Variants in EPHB4 observed in about 807,000 individuals in gnomAD.
EPHB4 encodes ephrin type-B receptor 4.
EPHB4 carries 50 observed loss-of-function variants against 110.6 expected under a neutral mutation model. The ratio of observed to expected loss-of-function variants is 0.45; its 90% confidence interval spans 0.36 to 0.57. The LOEUF (loss-of-function observed/expected upper bound fraction) is 0.57. EPHB4 is among the 20% of genes least tolerant of loss of function. The probability of loss-of-function intolerance (pLI) is 0.00; values close to 1 mark genes in which losing one functional copy is unlikely to be tolerated. For missense variants in EPHB4, 1,128 were observed against 1,382.1 expected (o/e 0.82, Z 2.91); for synonymous variants, 592 against 578.4 (o/e 1.02, Z -0.34).
At position 100,818,625 on chromosome 7, in the gene EPHB4, G is replaced by A. The variant is rs1240848718; in HGVS notation, c.1317C>T (p.Asp439=). 4.3e-6 allele frequency: 7 copies of A among 1,612,020 alleles called. No homozygotes were observed. The highest frequency in any genetic ancestry group is 1.7e-5 in the Admixed American group (1 of 59,994). The change falls in exon 7 of 17, where the codon GAC becomes GAT. Residue 439 remains aspartate (D), a synonymous_variant. Transcript: ENST00000358173. ...TGGGTGAGGACCGCGTCACCCGGAT[G>A]TCAGACACTGCAGGAGGTACTGTGA... ...TDREVPPAVS[D]IRVTRSSPSS...
At chr7:100,817,089 A>C (rs921375161) in intron 8 of EPHB4, 103 bp downstream of exon 8, 3 of 752,974 alleles carry the variant, frequency 4.0e-6, no homozygotes, top group African/African-American at 1.8e-5. Flanking sequence ...TCTCAAAAAA[A>C]AAAAAAAAAA....
intron 10 of EPHB4, 109 bp from the exon 11 acceptor site, chr7:100,813,317 T>A (rs1176050149): frequency 1.1e-6 from 1 of 881,874 alleles, no homozygotes; most frequent in African/African-American, 1.7e-5. Flanking sequence ...TTTTTTTTTT[T>A]TTTTTTTTTT....
intron 12 of EPHB4, among the ~76,000 whole-genome samples, chr7:100,808,379 T>C (rs558781342): frequency 7.9e-5 from 12 of 152,244 alleles, no homozygotes; most frequent in African/African-American, 2.9e-4. Flanking sequence ...CCACTGCACC[T>C]GGCTAATTAA....
chr7:100,812,762 C>T lies in EPHB4; in HGVS notation c.2103G>A (p.Leu701=), dbSNP rs1812966834. ...ILTEFMENGA[L]DSFLRLNDGQ... The stretch of plus-strand genomic sequence containing the variant: ...GGGTGCTCACCCGCAGGAAGGAGTC[C>T]AGGGCGCCGTTCTCCATGAACTCTG... The change falls in exon 12 of 17, where the codon CTG becomes CTA. Residue 701 remains leucine, a synonymous_variant. Coordinates refer to ENST00000358173, the MANE Select transcript of EPHB4 (RefSeq NM_004444.5). The T allele has an allele frequency of 1.2e-6, 2 of 1,613,560 alleles. No homozygotes were observed. Among genetic ancestry groups the T allele is most frequent in the East Asian group, 4.5e-5 (2 of 44,878 alleles).
At chr7:100,804,400 C>T (rs184438217) in intron 16 of EPHB4, among the ~76,000 whole-genome samples, 10 of 144,578 alleles carry the variant, frequency 6.9e-5, no homozygotes, top group African/African-American at 2.3e-4. Context: ...CTGCAACCTC[C>T]ACCTCCCGGG....
At position 100,818,605 on chromosome 7, in the gene EPHB4, G is replaced by A. The variant is rs1431447319; in HGVS notation, c.1337C>T (p.Ser446Leu). Residue 446 changes from serine (S) to leucine (L), a missense_variant, in exon 7 of 17, where the codon TCA (serine) becomes TTA (leucine). Transcript: ENST00000358173. ...AVSDIRVTRS[S>L]PSSLSLAWAV... Reference sequence around the variant, plus strand: ...CCAGGCCAGGCTCAAGCTGCTGGGTGAGGACCGCGTCACCCGGATGTCAGA... The same window carrying A: ...CCAGGCCAGGCTCAAGCTGCTGGGTAAGGACCGCGTCACCCGGATGTCAGA... The A allele has an allele frequency of 6.2e-7, 1 of 1,613,008 alleles. No homozygotes were observed. The highest frequency in any genetic ancestry group is 8.5e-7 in the Non-Finnish European group (1 of 1,180,018).
intron 11 of EPHB4, 40 bp downstream of exon 11, chr7:100,813,055 C>G (rs372214423): frequency 2.5e-6 from 4 of 1,612,756 alleles, no homozygotes; most frequent in South Asian, 1.1e-5. Flanking sequence ...TGCCCACCCC[C>G]GCTTCGTTCC....
Position 100,806,472 on chromosome 7 carries a change from C to A in EPHB4, c.2432G>T (p.Trp811Leu), listed in dbSNP as rs1413370127. 6.2e-7 allele frequency: 1 copy of A among 1,613,986 alleles called. No homozygotes were observed. The highest frequency in any genetic ancestry group is 8.5e-7 in the Non-Finnish European group (1 of 1,180,010). ...CCTCTCCCCAAATGACATCACCTCC[C>A]ACATCACAATCCCGTAACTCCAGGC... ...SDAWSYGIVM[W>L]EVMSFGERPY... The change falls in exon 14 of 17, where the codon TGG becomes TTG. Residue 811 changes from tryptophan to leucine, a missense_variant. By Grantham distance (61) the Trp-to-Leu change is moderately conservative. Transcript: ENST00000358173.
In EPHB4 at chr7:100,804,308, CTTTTTTTTTTT is replaced by C. The variant is rs11338293; in HGVS notation, c.2835-729_2835-719del. 4.6e-3 allele frequency among the ~76,000 whole-genome samples: 326 copies of C among 71,630 alleles called. 4 individuals carry two copies. In the East Asian group the frequency reaches 0.056, roughly 12 times the overall value. The allele number at this position is 71,630 out of a possible 152,430, so 47.0% of individuals were successfully genotyped here. A position where few individuals can be genotyped will look rare whatever the true frequency, so the allele number is the denominator to read the frequency against. On this transcript the variant is annotated intron_variant, in intron 16 of 16. Coordinates refer to ENST00000358173, the MANE Select transcript of EPHB4 (RefSeq NM_004444.5). Reference sequence around the variant, plus strand: ...GAGCCACCACCTGGCCTTCACATTTCTTTTTTTTTTTTTTTTTTTTTTTTGAGATGGAATTT... The same window carrying C: ...GAGCCACCACCTGGCCTTCACATTTCTTTTTTTTTTTTTGAGATGGAATTT...
chr7:100,822,688 C>T lies in EPHB4; in HGVS notation c.412-21G>A. ...TCCACCTGCCGGCGGGGGGGAGGCA[C>T]ACCGCTGCTGTCCCCACTCCCTGAG... is the stretch of plus-strand genomic sequence containing the variant. On this transcript the variant is annotated intron_variant, in intron 3 of 16. Coordinates refer to ENST00000358173, the MANE Select transcript of EPHB4 (RefSeq NM_004444.5). This position sits in a 1 kb window ranked among gnomAD's most constrained non-coding sequence, Gnocchi z 4.7. 6.6e-7 allele frequency: 1 copy of T among 1,524,796 alleles called. No homozygotes were observed. The highest frequency in any genetic ancestry group is 2.4e-5 in the East Asian group (1 of 42,500). 94.5% of individuals were successfully genotyped at this position (1,524,796 alleles called of 1,614,324 possible). A position where few individuals can be genotyped will look rare whatever the true frequency, so the allele number is the denominator to read the frequency against.
Position 100,820,126 on chromosome 7 carries a change from G to C in EPHB4, c.964+15C>G. 6 of 1,612,588 alleles carry C rather than the reference G, an allele frequency of 3.7e-6. No homozygotes were observed. Among genetic ancestry groups the C allele is most frequent in the South Asian group, 1.1e-5 (1 of 91,000 alleles). Reference sequence around the variant, plus strand: ...CCCCTCCCCAGTGAACTGCACCTGGGTGCTGGTCACTTACTGGTGCAGGGT... The same window carrying C: ...CCCCTCCCCAGTGAACTGCACCTGGCTGCTGGTCACTTACTGGTGCAGGGT... On this transcript the variant is annotated intron_variant, in intron 5 of 16. Coordinates refer to ENST00000358173, the MANE Select transcript of EPHB4 (RefSeq NM_004444.5).
At chr7:100,824,929 G>A (rs1000225657) in intron 1 of EPHB4, 1 of 152,542 alleles carries the variant, frequency 6.6e-6, no homozygotes, top group African/African-American at 2.4e-5. Context: ...AGGCAGAGGG[G>A]AGGAGATTCT....
chr7:100,824,464 A>G, intron 1 of EPHB4, 191 bp from the exon 2 acceptor site: 1 of 591,416 alleles, frequency 1.7e-6, no homozygotes, highest in Non-Finnish European at 3.0e-6. Flanking sequence ...TGCCAACCCC[A>G]CCCCCAACAT....
intron 12 of EPHB4, 40 bp from the exon 13 acceptor site, chr7:100,807,620 C>T: frequency 6.3e-7 from 1 of 1,583,718 alleles, no homozygotes; most frequent in Non-Finnish European, 8.6e-7. Context: ...GAGGACAGCC[C>T]ACCCACCGTT....
Position 100,823,704 on chromosome 7 carries a change from C to T in EPHB4, c.351G>A (p.Glu117=), listed in dbSNP as rs767722877. ...CKETFTVFYY[E]SDADTATALT... is the part of the protein sequence containing the mutation. ...GGGCCGTGGCCGTGTCCGCATCGCT[C>T]TCATAGTAGAAGACGGTGAAGGTCT... The change falls in exon 3 of 17, where the codon GAG becomes GAA. Residue 117 remains glutamate (E), a synonymous_variant. Coordinates refer to ENST00000358173, the MANE Select transcript of EPHB4 (RefSeq NM_004444.5). 3.2e-5 allele frequency: 52 copies of T among 1,613,484 alleles called. 1 individual carries two copies. In the Admixed American group the frequency reaches 4.5e-4, roughly 14 times the overall value.
chr7:100,826,592 C>T (rs992673902), intron 1 of EPHB4, among the ~76,000 whole-genome samples: 1 of 152,102 alleles, frequency 6.6e-6, no homozygotes, highest in African/African-American at 2.4e-5. Context: ...TCTGCTGTTG[C>T]TTCTCCAGAA....
chr7:100,806,066 A>T (rs1031066896), intron 14 of EPHB4: 2 of 262,660 alleles, frequency 7.6e-6, no homozygotes, highest in Non-Finnish European at 7.1e-6. Context: ...TCAAGCGATT[A>T]TCCTGTCTCA....
chr7:100,807,230 G>A, intron 13 of EPHB4, 135 bp downstream of exon 13: 1 of 847,666 alleles, frequency 1.2e-6, no homozygotes, highest in Middle Eastern at 2.4e-4. Context: ...GGAGCTGACT[G>A]TCCCCCCACC....
intron 16 of EPHB4, 113 bp from the exon 17 acceptor site, chr7:100,803,703 GC>G: frequency 1.5e-6 from 2 of 1,313,606 alleles, no homozygotes; most frequent in East Asian, 5.3e-5. Flanking sequence ...AGAAAAGCCA[GC>G]GGGGGAGGGA....
Sources: gnomAD v4.1 joint callset for allele counts (sites outside exome capture counted in the v4.1 genomes callset) on GRCh38, gnomAD v4.1.1 for gene constraint, Gnocchi (gnomAD v3.1) non-coding constraint, MANE v1.5 for transcripts, NCBI Gene and HGNC (gene_info 2026-07-23, HGNC 2026-07-21) for gene names.